Variants in CHST11 observed in about 807,000 individuals in gnomAD.
The protein encoded by CHST11 is C4S-1.
In CHST11, 9 loss-of-function variants were observed where a neutral mutation model predicts 30.4. The ratio of observed to expected loss-of-function variants is 0.30; its 90% CI spans 0.18 to 0.52. The LOEUF (loss-of-function observed/expected upper bound fraction) is 0.52. CHST11 is among the 20% of genes least tolerant of loss of function. The pLI, the probability that CHST11 is intolerant of heterozygous loss-of-function variation, is 0.97. For missense variants in CHST11, 348 were observed against 460.6 expected (o/e 0.76, Z 2.24); for synonymous variants, 152 against 187.8 (o/e 0.81, Z 1.56).
intron 1 of CHST11, among the ~76,000 whole-genome samples, chr12:104,517,023 A>G (rs1795850): frequency 0.14 from 21,996 of 151,736 alleles, 1,784 homozygotes; most frequent in East Asian, 0.35. Context: ...CTCTTCATGC[A>G]TTCTCTTTCC....
At chr12:104,601,171 C>T (rs1056810096) in intron 1 of CHST11, among the ~76,000 whole-genome samples, 2 of 152,012 alleles carry the variant, frequency 1.3e-5, no homozygotes, top group African/African-American at 2.4e-5. Context: ...CATGACTATG[C>T]GTTACATAAT....
At chr12:104,463,970 G>A (rs1030040222) in intron 1 of CHST11, among the ~76,000 whole-genome samples, 16 of 152,212 alleles carry the variant, frequency 1.1e-4, no homozygotes, top group African/African-American at 3.1e-4. Context: ...GGAGGGAAGC[G>A]CTGCAGAAGC....
intron 1 of CHST11, among the ~76,000 whole-genome samples, chr12:104,591,958 A>G (rs578003941): frequency 6.6e-6 from 1 of 152,166 alleles, no homozygotes; most frequent in African/African-American, 2.4e-5. Context: ...TCTTCATTTT[A>G]GCTGCAACTC....
chr12:104,510,309 A>G (rs1318841989), intron 1 of CHST11, among the ~76,000 whole-genome samples: 1 of 152,208 alleles, frequency 6.6e-6, no homozygotes, highest in African/African-American at 2.4e-5. Flanking sequence ...TATTGGCTCT[A>G]GACTGCAGCC....
chr12:104,701,977 G>A (rs2039993593), intron 2 of CHST11, among the ~76,000 whole-genome samples: 1 of 152,194 alleles, frequency 6.6e-6, no homozygotes, highest in South Asian at 2.1e-4. Flanking sequence ...TTCATTTCTG[G>A]CAGGCAGCCA....
chr12:104,704,269 C>T (rs1041556044), intron 2 of CHST11, among the ~76,000 whole-genome samples: 4 of 152,232 alleles, frequency 2.6e-5, no homozygotes, highest in African/African-American at 9.6e-5. Context: ...CCCTTGCCTT[C>T]TGGCTCCGTG....
chr12:104,477,473 C>T (rs1315386756), intron 1 of CHST11, among the ~76,000 whole-genome samples: 1 of 152,160 alleles, frequency 6.6e-6, no homozygotes, highest in African/African-American at 2.4e-5. Context: ...CTGAATGCTG[C>T]GTCTCTCCCT....
At chr12:104,685,377 A>G (rs1566037449) in intron 2 of CHST11, among the ~76,000 whole-genome samples, 1 of 152,224 alleles carries the variant, frequency 6.6e-6, no homozygotes, top group Non-Finnish European at 1.5e-5. Flanking sequence ...TATGACTTTT[A>G]ATGCAGATGC....
chr12:104,494,368 G>A (rs2037779299), intron 1 of CHST11, among the ~76,000 whole-genome samples: 1 of 152,182 alleles, frequency 6.6e-6, no homozygotes, highest in African/African-American at 2.4e-5. Context: ...CACATCACAT[G>A]TCACTGTTCT....
At chr12:104,513,906 T>C (rs1565970175) in intron 1 of CHST11, 2 of 469,540 alleles carry the variant, frequency 4.3e-6, no homozygotes, top group East Asian at 9.1e-5. Context: ...TGTCTGAGTC[T>C]GTTTGTGTTG....
chr12:104,513,125 G>C lies in CHST11; in HGVS notation c.118+55596G>C, dbSNP rs1191005464. On this transcript the variant is annotated intron_variant, in intron 1 of 2. Transcript: ENST00000303694. ...CCAGTGCTTCCAAATGTCATGACTG[G>C]GGGGGGGGGGGGTTGGGGGTGGGGA... Among the ~76,000 whole-genome samples the C allele has an allele frequency of 4.7e-5, 3 of 63,530 alleles. No individual in the cohort carries two copies. The East Asian group carries it at 9.8e-4, about 21-fold the overall frequency. The allele number at this position is 63,530 out of a possible 152,430, so 41.7% of individuals were successfully genotyped here. A position where few individuals can be genotyped will look rare whatever the true frequency, so the allele number is the denominator to read the frequency against.
chr12:104,480,439 A>C (rs1047826450), intron 1 of CHST11, among the ~76,000 whole-genome samples: 3 of 152,002 alleles, frequency 2.0e-5, no homozygotes, highest in African/African-American at 7.2e-5. Flanking sequence ...TTAGCTGGGC[A>C]TGGTGGCGGG....
At chr12:104,472,564 A>G (rs1266128877) in intron 1 of CHST11, among the ~76,000 whole-genome samples, 2 of 152,308 alleles carry the variant, frequency 1.3e-5, no homozygotes, top group Admixed American at 6.5e-5. Flanking sequence ...AGATGAGGCA[A>G]TGGAGACTCA....
intron 1 of CHST11, among the ~76,000 whole-genome samples, chr12:104,547,125 C>G (rs749362265): frequency 6.6e-6 from 1 of 152,146 alleles, no homozygotes; most frequent in Non-Finnish European, 1.5e-5. Context: ...AGTGCAGTGC[C>G]AGTAAGGTTG....
chr12:104,543,117 G>A (rs543132468), intron 1 of CHST11, among the ~76,000 whole-genome samples: 60 of 152,292 alleles, frequency 3.9e-4, no homozygotes, highest in Middle Eastern at 3.4e-3. Flanking sequence ...TCCAGTCATG[G>A]CAGAAGGTGA....
At chr12:104,518,693 GT>G (rs1185671049) in intron 1 of CHST11, among the ~76,000 whole-genome samples, 2 of 152,182 alleles carry the variant, frequency 1.3e-5, no homozygotes, top group African/African-American at 4.8e-5. Context: ...GAGTGGGAAG[GT>G]GATTATAACC....
chr12:104,558,518 T>C (rs2038480254), intron 1 of CHST11, among the ~76,000 whole-genome samples: 1 of 150,188 alleles, frequency 6.7e-6, no homozygotes, highest in Non-Finnish European at 1.5e-5. Context: ...CTATTGTCAT[T>C]CTCTCTGTTC....
chr12:104,511,396 A>G (rs2037964551), intron 1 of CHST11, among the ~76,000 whole-genome samples: 1 of 152,162 alleles, frequency 6.6e-6, no homozygotes, highest in African/African-American at 2.4e-5. Context: ...CTTTCTGCTC[A>G]TAGAAGGCTC....
intron 2 of CHST11, among the ~76,000 whole-genome samples, chr12:104,647,657 A>G (rs2039447561): frequency 1.3e-5 from 2 of 152,180 alleles, no homozygotes; most frequent in South Asian, 2.1e-4. Context: ...ATATTTCCAT[A>G]TATATATGTT....
Sources: gnomAD v4.1 joint callset for allele counts (sites outside exome capture counted in the v4.1 genomes callset) on GRCh38, gnomAD v4.1.1 for gene constraint, MANE v1.5 for transcripts, NCBI Gene and HGNC (gene_info 2026-07-23, HGNC 2026-07-21) for gene names.